Variants in FNBP1 observed in about 807,000 individuals in gnomAD.
FNBP1 encodes formin-binding protein 1.
In FNBP1, 26 loss-of-function variants were observed where a neutral mutation model predicts 90.6. The observed-to-expected ratio is 0.29, with a 90% CI of 0.21 to 0.40. The LOEUF (loss-of-function observed/expected upper bound fraction) is 0.40. FNBP1 is among the 10% of genes least tolerant of loss of function. The pLI is 1.00. For missense variants in FNBP1, 635 were observed against 768.0 expected (o/e 0.83, Z 2.05); for synonymous variants, 260 against 265.2 (o/e 0.98, Z 0.19).
chr9:129,960,557 G>A (rs2047658543), intron 4 of FNBP1, among the ~76,000 whole-genome samples: 1 of 152,082 alleles, frequency 6.6e-6, no homozygotes, highest in Admixed American at 6.6e-5. Context: ...CCCTGAGGCA[G>A]GCTCTGGTGT....
intron 6 of FNBP1, among the ~76,000 whole-genome samples, chr9:129,937,699 C>G (rs1351913199): frequency 6.6e-6 from 1 of 151,678 alleles, no homozygotes. Context: ...TGCCACTGCA[C>G]TTCAGCCTGG....
At chr9:129,977,223 G>A (rs2050469811) in intron 4 of FNBP1, among the ~76,000 whole-genome samples, 2 of 151,318 alleles carry the variant, frequency 1.3e-5, no homozygotes, top group South Asian at 4.2e-4. Context: ...AAATTTTTCC[G>A]CACTTCACAT....
At chr9:129,988,030 A>G (rs939031371) in intron 2 of FNBP1, among the ~76,000 whole-genome samples, 1 of 152,090 alleles carries the variant, frequency 6.6e-6, no homozygotes, top group Admixed American at 6.6e-5. Context: ...AATGTATCAA[A>G]AGATGTTCAA....
At chr9:129,929,409 C>CAAA (rs11290487) in intron 7 of FNBP1, among the ~76,000 whole-genome samples, 158 bp downstream of exon 7, 8 of 61,196 alleles carry the variant, frequency 1.3e-4, no homozygotes, top group South Asian at 6.5e-4. Context: ...GACTCTGTCT[C>CAAA]AAAAAAAAAA....
At chr9:129,998,273 G>A (rs2054314772) in intron 1 of FNBP1, among the ~76,000 whole-genome samples, 1 of 151,740 alleles carries the variant, frequency 6.6e-6, no homozygotes, top group Non-Finnish European at 1.5e-5. Context: ...GGAGGCTGAG[G>A]CGGGAGGATC....
At chr9:129,920,699 AC>A (rs1478718051) in intron 10 of FNBP1, among the ~76,000 whole-genome samples, 1 of 152,182 alleles carries the variant, frequency 6.6e-6, no homozygotes, top group Admixed American at 6.5e-5. Context: ...AGATTCACAA[AC>A]CATTTTTGGC....
In FNBP1 at chr9:130,042,805, G is replaced by T; in HGVS notation, c.24+147C>A. On this transcript the variant is annotated intron_variant, in intron 1 of 16. Coordinates refer to ENST00000446176, the MANE Select transcript of FNBP1 (RefSeq NM_015033.3). The surrounding 1 kb of genome is among the most constrained non-coding windows in gnomAD (Gnocchi z 5.5). ...CGGGCCAAGGCGGACGAGGGGCATT[G>T]GAACCCCGCCTCCTCCCCAGGCCGC... The T allele has an allele frequency of 2.2e-6, 1 of 452,628 alleles. No individual in the cohort carries two copies. The highest frequency in any genetic ancestry group is 3.5e-6 in the Non-Finnish European group (1 of 284,210). The allele number at this position is 452,628 out of a possible 1,614,324, so 28.0% of individuals were successfully genotyped here.
At chr9:129,950,565 G>T (rs2132589663) in intron 6 of FNBP1, among the ~76,000 whole-genome samples, 1 of 152,276 alleles carries the variant, frequency 6.6e-6, no homozygotes, top group South Asian at 2.1e-4. Context: ...AGTCATCCTG[G>T]AAATTTCTGA....
Position 129,991,943 on chromosome 9 carries a change from G to A in FNBP1, c.140+2900C>T, listed in dbSNP as rs559479566. On this transcript the variant is annotated intron_variant, in intron 2 of 16. Coordinates refer to ENST00000446176, the MANE Select transcript of FNBP1 (RefSeq NM_015033.3). ...CAAAGTGCTGGGATTACAGGCATAA[G>A]CCACCGCGCCCAGCCAAGTTTTTAG... Among the ~76,000 whole-genome samples the A allele has an allele frequency of 9.8e-5, 15 of 152,330 alleles. No individual in the cohort carries two copies. In the South Asian group the frequency reaches 3.1e-3, roughly 32 times the overall value.
At chr9:129,988,322 T>C (rs1390913797) in intron 2 of FNBP1, among the ~76,000 whole-genome samples, 3 of 151,440 alleles carry the variant, frequency 2.0e-5, no homozygotes, top group Non-Finnish European at 4.4e-5. Context: ...TTTCAACCTA[T>C]ACTACCTTGA....
At chr9:129,914,755 GTCTATATA>G (rs11279388) in intron 11 of FNBP1, among the ~76,000 whole-genome samples, 5,430 of 98,412 alleles carry the variant, frequency 0.055, 539 homozygotes, top group African/African-American at 0.16. Context: ...ACATACATAT[GTCTATATA>G]TATATATATA....
Position 129,957,784 on chromosome 9 carries a change from C to A in FNBP1, c.409-320G>T, listed in dbSNP as rs974149987. The stretch of plus-strand genomic sequence containing the variant: ...CCCATGCTGGTCTTGAGCTTCTGAG[C>A]TCAAGCAATCCTCCCGCCTCTGCCT... On this transcript the variant is annotated intron_variant, in intron 5 of 16. Transcript: ENST00000446176. This position sits in a 1 kb window ranked among gnomAD's most constrained non-coding sequence, Gnocchi z 4.3. 6.6e-6 allele frequency among the ~76,000 whole-genome samples: 1 copy of A among 152,068 alleles called. No homozygotes were observed. Among genetic ancestry groups the A allele is most frequent in the African/African-American group, 2.4e-5 (1 of 41,400 alleles).
intron 1 of FNBP1, among the ~76,000 whole-genome samples, chr9:130,023,913 G>T (rs76650149): frequency 6.6e-6 from 1 of 151,866 alleles, no homozygotes; most frequent in Non-Finnish European, 1.5e-5. Context: ...ATTCAGACTG[G>T]TTACCAAGTA....
At position 129,890,449 on chromosome 9, in the gene FNBP1, G is replaced by T; in HGVS notation, c.*90C>A. 1 of 1,077,304 alleles carries T rather than the reference G, an allele frequency of 9.3e-7. No individual in the cohort carries two copies. The highest frequency in any genetic ancestry group is 1.4e-6 in the Non-Finnish European group (1 of 714,884). The allele number at this position is 1,077,304 out of a possible 1,614,324, so 66.7% of individuals were successfully genotyped here. On this transcript the variant is annotated 3_prime_UTR_variant, in exon 17 of 17. Coordinates refer to ENST00000446176, the MANE Select transcript of FNBP1 (RefSeq NM_015033.3). This position sits in a 1 kb window ranked among gnomAD's most constrained non-coding sequence, Gnocchi z 5.8. ...GGATGGGGCTGCGGAGGGGTGGGCT[G>T]TCCACAGGGCAGGGCGCTGGAGGCC... is the stretch of plus-strand genomic sequence containing the variant.
Position 129,923,991 on chromosome 9 carries a change from G to A in FNBP1, c.1023C>T (p.Pro341=). 6.6e-7 allele frequency: 1 copy of A among 1,517,852 alleles called. No individual in the cohort carries two copies. The highest frequency in any genetic ancestry group is 8.8e-7 in the Non-Finnish European group (1 of 1,134,440). 94.0% of individuals were successfully genotyped at this position (1,517,852 alleles called of 1,614,324 possible). ...GTGAGGCAGAGGCAGGAGGGGGAGG[G>A]GGAGGCTGATGGGGGGATGTTAAAA... is the stretch of plus-strand genomic sequence containing the variant. The part of the protein sequence containing the change: ...MSLLTSPHQP[P]PPPPASASPS... Residue 341 remains proline, a synonymous_variant, in exon 10 of 17, where the codon CCC becomes CCT. Transcript: ENST00000446176.
At chr9:129,944,851 A>C (rs1404952338) in intron 6 of FNBP1, among the ~76,000 whole-genome samples, 1 of 152,212 alleles carries the variant, frequency 6.6e-6, no homozygotes, top group Non-Finnish European at 1.5e-5. Flanking sequence ...ATCAGGAACA[A>C]GCTCTTAGCC....
At position 129,890,438 on chromosome 9, in the gene FNBP1, A is replaced by AG. The variant is rs2034992079; in HGVS notation, c.*100dup. 1 of 917,614 alleles carries AG rather than the reference A, an allele frequency of 1.1e-6. No homozygotes were observed. The highest frequency in any genetic ancestry group is 1.7e-6 in the Non-Finnish European group (1 of 572,862). 56.8% of individuals were successfully genotyped at this position (917,614 alleles called of 1,614,324 possible). On this transcript the variant is annotated 3_prime_UTR_variant, in exon 17 of 17. Coordinates refer to ENST00000446176, the MANE Select transcript of FNBP1 (RefSeq NM_015033.3). This position sits in a 1 kb window ranked among gnomAD's most constrained non-coding sequence, Gnocchi z 5.8. ...CCGCCCCGCAGGGATGGGGCTGCGG[A>AG]GGGGTGGGCTGTCCACAGGGCAGGG...
At chr9:129,955,531 A>G (rs953715317) in intron 6 of FNBP1, among the ~76,000 whole-genome samples, 3 of 149,652 alleles carry the variant, frequency 2.0e-5, no homozygotes, top group African/African-American at 4.9e-5. Flanking sequence ...CCCATACACC[A>G]CACCAAAAAA....
chr9:129,944,672 T>C (rs1055770067), intron 6 of FNBP1, among the ~76,000 whole-genome samples: 2 of 151,846 alleles, frequency 1.3e-5, no homozygotes, highest in Non-Finnish European at 2.9e-5. Context: ...AGTTCAAAAA[T>C]AGGCCACTAC....
Sources: allele counts gnomAD v4.1 joint callset (sites outside exome capture counted in the v4.1 genomes callset), GRCh38; gene constraint gnomAD v4.1.1; non-coding constraint Gnocchi (gnomAD v3.1); transcripts MANE v1.5; gene names NCBI Gene and HGNC (gene_info 2026-07-23, HGNC 2026-07-21).